RYR3: variants seen among roughly 807,000 people sequenced by gnomAD.
RYR3 encodes ryanodine receptor 3.
Under a neutral mutation model 584.3 loss-of-function variants are expected in RYR3, and 207 were observed. The observed-to-expected ratio is 0.35, with a 90% CI of 0.32 to 0.40. The LOEUF (loss-of-function observed/expected upper bound fraction) is 0.40. Among genes scored for constraint, RYR3 ranks in the 10% least tolerant of loss-of-function variants. The probability of loss-of-function intolerance (pLI) is 1.00; values close to 1 mark genes in which losing one functional copy is unlikely to be tolerated. For missense variants in RYR3, 5,616 were observed against 6,089.2 expected, an observed-to-expected ratio of 0.92 and a Z score of 2.59; for synonymous variants, 2,416 against 2,248.5, an observed-to-expected ratio of 1.07 and a Z score of -2.11.
chr15:33,852,656 C>T (rs1394276108), intron 94 of RYR3: 1 of 178,030 alleles, frequency 5.6e-6, no homozygotes, highest in Non-Finnish European at 1.2e-5. Context: ...CAGTAGGTGA[C>T]ATAAAGTAGT....
intron 10 of RYR3, among the ~76,000 whole-genome samples, chr15:33,558,792 C>T (rs952851192): frequency 2.0e-5 from 3 of 152,024 alleles, no homozygotes; most frequent in African/African-American, 7.3e-5. Flanking sequence ...AATCAGGAGA[C>T]AATCAGCATT....
intron 38 of RYR3, among the ~76,000 whole-genome samples, chr15:33,681,504 G>A (rs1248084257): frequency 6.6e-6 from 1 of 152,130 alleles, no homozygotes; most frequent in Non-Finnish European, 1.5e-5. Flanking sequence ...TTAGGACATG[G>A]ACGTTTGGGG....
rs762614012 is a variant in RYR3 at position 33,772,128 on chromosome 15, A to G, written c.9025A>G (p.Thr3009Ala). 1 of 1,612,900 alleles carries G rather than the reference A, an allele frequency of 6.2e-7. No individual in the cohort carries two copies. Among genetic ancestry groups the G allele is most frequent in the South Asian group, 1.1e-5 (1 of 90,874 alleles). The change falls in exon 63 of 104, where the codon ACT (threonine) becomes GCT (alanine). Residue 3009 changes from threonine to alanine, a missense_variant. Thr to Ala is a moderately conservative substitution (Grantham distance 58, BLOSUM62 0). Coordinates refer to ENST00000634891, the MANE Select transcript of RYR3 (RefSeq NM_001036.6). ...PILTSIFEHV[T>A]QHQFGMDLLL... ...CCTGACGTCCATCTTTGAGCACGTC[A>G]CTCAGCATCAGTTTGGAATGGATCT...
chr15:33,749,354 C>T (rs942552600), intron 55 of RYR3, among the ~76,000 whole-genome samples: 2 of 152,160 alleles, frequency 1.3e-5, no homozygotes, highest in Admixed American at 6.5e-5. Flanking sequence ...TGCTTCCTCC[C>T]GTTGCTCCCC....
At chr15:33,683,094 A>T (rs567844830) in intron 38 of RYR3, among the ~76,000 whole-genome samples, 1 of 151,874 alleles carries the variant, frequency 6.6e-6, no homozygotes, top group South Asian at 2.1e-4. Context: ...TCCCGGGTTC[A>T]TGCCATTCTC....
intron 1 of RYR3, among the ~76,000 whole-genome samples, chr15:33,451,413 A>G (rs1023315019): frequency 2.0e-5 from 3 of 152,170 alleles, no homozygotes; most frequent in African/African-American, 7.2e-5. Context: ...CACTGGCTGC[A>G]TAGCTCTGTT....
intron 1 of RYR3, among the ~76,000 whole-genome samples, chr15:33,321,107 C>T (rs1401914892): frequency 1.3e-5 from 2 of 152,188 alleles, no homozygotes; most frequent in Non-Finnish European, 2.9e-5. Flanking sequence ...AAATTCCTCA[C>T]GTCAATAGAT....
At chr15:33,323,400 G>A (rs780947383) in intron 1 of RYR3, among the ~76,000 whole-genome samples, 4 of 151,998 alleles carry the variant, frequency 2.6e-5, no homozygotes, top group Non-Finnish European at 5.9e-5. Context: ...GAGCCACCGC[G>A]CCCGGCCTTA....
At chr15:33,595,271 T>G (rs1567621377) in intron 16 of RYR3, among the ~76,000 whole-genome samples, 1 of 152,326 alleles carries the variant, frequency 6.6e-6, no homozygotes, top group African/African-American at 2.4e-5. Context: ...GAAGCCCTAA[T>G]AGAAACAGCA....
In RYR3 at chr15:33,845,955, C is replaced by T. The variant is rs189109463; in HGVS notation, c.13497+893C>T. Reference sequence around the variant, plus strand: ...GCAGTTCCTCTGTTCTATGTAAAGGCGCTACATTTGCAGCCATCTGCGAGC... The same window carrying T: ...GCAGTTCCTCTGTTCTATGTAAAGGTGCTACATTTGCAGCCATCTGCGAGC... On this transcript the variant is annotated intron_variant, in intron 93 of 103. Transcript: ENST00000634891. Among the ~76,000 whole-genome samples the T allele has an allele frequency of 7.9e-5, 12 of 152,282 alleles. No individual in the cohort carries two copies. In the East Asian group the frequency reaches 1.5e-3, roughly 20 times the overall value.
At chr15:33,833,320 C>T (rs1307119393) in intron 86 of RYR3, among the ~76,000 whole-genome samples, 1 of 152,032 alleles carries the variant, frequency 6.6e-6, no homozygotes, top group Non-Finnish European at 1.5e-5. Flanking sequence ...GGTAATATGA[C>T]TGAGCCAAAA....
At chr15:33,792,305 A>G (rs528780674) in intron 67 of RYR3, among the ~76,000 whole-genome samples, 2 of 152,282 alleles carry the variant, frequency 1.3e-5, no homozygotes, top group South Asian at 2.1e-4. Flanking sequence ...AAAGAGCACA[A>G]TATAATGAAC....
chr15:33,762,640 T>G (rs891891895), intron 60 of RYR3, among the ~76,000 whole-genome samples: 1 of 152,190 alleles, frequency 6.6e-6, no homozygotes, highest in African/African-American at 2.4e-5. Context: ...TGGAAAAACA[T>G]TCCATGCTCA....
Position 33,662,620 on chromosome 15 carries a change from G to A in RYR3, c.5090G>A (p.Ser1697Asn). The change falls in exon 35 of 104, where the codon AGT (serine) becomes AAT (asparagine). Residue 1697 changes from serine (S) to asparagine (N), a missense_variant. Coordinates refer to ENST00000634891, the MANE Select transcript of RYR3 (RefSeq NM_001036.6). The stretch of plus-strand genomic sequence containing the variant: ...GAGAGTCTCAGGACGAAGGCTCTGA[G>A]TATGCTGACAGAGGCAGTGCAGTGC... The part of the protein sequence containing the change: ...PLESLRTKAL[S>N]MLTEAVQCSG... 2 of 1,614,050 alleles carry A rather than the reference G, an allele frequency of 1.2e-6. No homozygotes were observed. Among genetic ancestry groups the A allele is most frequent in the Non-Finnish European group, 8.5e-7 (1 of 1,179,894 alleles).
chr15:33,423,990 A>G (rs1359011649), intron 1 of RYR3, among the ~76,000 whole-genome samples: 3 of 152,188 alleles, frequency 2.0e-5, no homozygotes, highest in Admixed American at 6.5e-5. Flanking sequence ...ATGCCTTGCT[A>G]GTACTCTTGG....
rs550992301 is a variant in RYR3, at chr15:33,865,852, T to C, written c.*626T>C. 1 of 152,922 alleles carries C rather than the reference T, an allele frequency of 6.5e-6. No homozygotes were observed. Among genetic ancestry groups the C allele is most frequent in the East Asian group, 1.9e-4 (1 of 5,196 alleles). The allele number at this position is 152,922 out of a possible 1,614,324, so 9.5% of individuals were successfully genotyped here. A position where few individuals can be genotyped will look rare whatever the true frequency, so the allele number is the denominator to read the frequency against. ...GAAGGACAGTTCCATTCATTAGTTG[T>C]GATCTTCCGTCTTACTTTATGAAAC... is the stretch of plus-strand genomic sequence containing the variant. On this transcript the variant is annotated 3_prime_UTR_variant, in exon 104 of 104. Transcript: ENST00000634891.
At chr15:33,730,616 ATGAC>A (rs1395119510) in intron 47 of RYR3, among the ~76,000 whole-genome samples, 2 of 152,224 alleles carry the variant, frequency 1.3e-5, no homozygotes, top group South Asian at 4.1e-4. Context: ...TACAGATAGA[ATGAC>A]TGCAGGAATC....
chr15:33,473,685 C>A, intron 2 of RYR3, 147 bp downstream of exon 2: 1 of 813,624 alleles, frequency 1.2e-6, no homozygotes, highest in Non-Finnish European at 1.9e-6. Flanking sequence ...TGGTTTAAAC[C>A]ATAACTTTCC....
chr15:33,334,292 C>CTA (rs1181982854), intron 1 of RYR3, among the ~76,000 whole-genome samples: 1 of 152,146 alleles, frequency 6.6e-6, no homozygotes, highest in Non-Finnish European at 1.5e-5. Flanking sequence ...TACTAAAAGG[C>CTA]TACAGTAACC....
Sources: allele counts gnomAD v4.1 joint callset (sites outside exome capture counted in the v4.1 genomes callset), GRCh38; gene constraint gnomAD v4.1.1; transcripts MANE v1.5; gene names NCBI Gene and HGNC (gene_info 2026-07-23, HGNC 2026-07-21).